Variants in RYR3 observed in about 807,000 individuals in gnomAD.
The protein encoded by RYR3 is brain ryanodine receptor-calcium release channel.
RYR3 carries 207 observed loss-of-function variants against 584.3 expected under a neutral mutation model. The ratio of observed to expected loss-of-function variants is 0.35; its 90% CI spans 0.32 to 0.40. RYR3 has a LOEUF of 0.40. RYR3 is among the 10% of genes least tolerant of loss of function. RYR3 has a pLI of 1.00. For synonymous variants in RYR3, 2,416 were observed against 2,248.5 expected, an observed-to-expected ratio of 1.07 and a Z score of -2.11; for missense variants, 5,616 against 6,089.2, an observed-to-expected ratio of 0.92 and a Z score of 2.59.
At chr15:33,783,411 C>A (rs2074502969) in intron 65 of RYR3, among the ~76,000 whole-genome samples, 1 of 152,182 alleles carries the variant, frequency 6.6e-6, no homozygotes, top group South Asian at 2.1e-4. Context: ...GGAATTCATT[C>A]TGTGGGTTTA....
chr15:33,706,886 T>A, intron 42 of RYR3, 33 bp from the exon 43 acceptor site: 1 of 1,563,866 alleles, frequency 6.4e-7, no homozygotes, highest in Non-Finnish European at 8.7e-7. Context: ...TCCTAATGCG[T>A]GCGAAAGAAC....
Position 33,448,686 on chromosome 15 carries a change from C to G in RYR3, c.52-24733C>G, listed in dbSNP as rs530791095. On this transcript the variant is annotated intron_variant, in intron 1 of 103. Transcript: ENST00000634891. ...AAATCAACTTTAATCTGTATTTTCA[C>G]TATTTCAGTGCAGTTGGGCTCCTGG... Among the ~76,000 whole-genome samples the G allele has an allele frequency of 1.5e-3, 227 of 152,334 alleles. 1 individual carries two copies. The highest frequency in any genetic ancestry group is 5.4e-3 in the African/African-American group (225 of 41,594).
chr15:33,545,679 G>T (rs2056185511), intron 8 of RYR3, among the ~76,000 whole-genome samples: 4 of 152,138 alleles, frequency 2.6e-5, no homozygotes, highest in Admixed American at 2.6e-4. Flanking sequence ...GATAAGCCTT[G>T]TCTTTGTCTT....
At chr15:33,643,181 T>A (rs1258974792) in intron 27 of RYR3, among the ~76,000 whole-genome samples, 6 of 152,164 alleles carry the variant, frequency 3.9e-5, no homozygotes, top group Non-Finnish European at 5.9e-5. Context: ...TCCTAGGGAG[T>A]GACACCACTT....
intron 1 of RYR3, among the ~76,000 whole-genome samples, chr15:33,465,091 A>G (rs1225246688): frequency 6.6e-6 from 1 of 152,176 alleles, no homozygotes; most frequent in Non-Finnish European, 1.5e-5. Context: ...TTAAGGCTGA[A>G]TAATATTTCA....
At chr15:33,804,921 T>C (rs954520103) in intron 69 of RYR3, among the ~76,000 whole-genome samples, 1 of 152,224 alleles carries the variant, frequency 6.6e-6, no homozygotes, top group Non-Finnish European at 1.5e-5. Flanking sequence ...ACACCACATA[T>C]GCCGTTGCGA....
intron 1 of RYR3, among the ~76,000 whole-genome samples, chr15:33,464,005 GA>G (rs2048247027): frequency 6.6e-6 from 1 of 152,116 alleles, no homozygotes; most frequent in South Asian, 2.1e-4. Flanking sequence ...GAACTAAAAT[GA>G]CTAATCTTTC....
chr15:33,352,855 G>T (rs553400073), intron 1 of RYR3, among the ~76,000 whole-genome samples: 4 of 152,318 alleles, frequency 2.6e-5, no homozygotes, highest in African/African-American at 9.6e-5. Context: ...TTTCTAGGAA[G>T]TAGGTTCAAG....
intron 21 of RYR3, 96 bp from the exon 22 acceptor site, chr15:33,629,844 C>T: frequency 4.7e-6 from 3 of 644,162 alleles, no homozygotes; most frequent in Middle Eastern, 2.5e-4. Flanking sequence ...ATATGGATTG[C>T]CTGGGCCATG....
At chr15:33,541,373 A>G (rs2055801892) in intron 7 of RYR3, among the ~76,000 whole-genome samples, 2 of 152,164 alleles carry the variant, frequency 1.3e-5, no homozygotes, top group Admixed American at 6.6e-5. Context: ...ATGGAAGGCC[A>G]TTTTAACATA....
At chr15:33,506,110 T>C (rs2052463878) in intron 3 of RYR3, among the ~76,000 whole-genome samples, 2 of 152,222 alleles carry the variant, frequency 1.3e-5, no homozygotes, top group South Asian at 4.1e-4. Flanking sequence ...GGTTTTTCCT[T>C]GTTGCAAAGA....
intron 1 of RYR3, among the ~76,000 whole-genome samples, chr15:33,415,560 G>A (rs1412939025): frequency 6.6e-6 from 1 of 152,004 alleles, no homozygotes; most frequent in African/African-American, 2.4e-5. Context: ...AAGTGTACCA[G>A]TGCTATAGGA....
intron 2 of RYR3, among the ~76,000 whole-genome samples, chr15:33,498,617 T>C (rs1340232634): frequency 6.6e-6 from 1 of 152,296 alleles, no homozygotes; most frequent in South Asian, 2.1e-4. Flanking sequence ...TTGCAAATAT[T>C]TTCTCCCATC....
chr15:33,777,989 G>A (rs938424174), intron 64 of RYR3, among the ~76,000 whole-genome samples: 26 of 151,984 alleles, frequency 1.7e-4, no homozygotes, highest in African/African-American at 6.3e-4. Flanking sequence ...GGCCAACATG[G>A]TGACGCTTCG....
intron 1 of RYR3, among the ~76,000 whole-genome samples, chr15:33,334,244 A>G (rs2140713381): frequency 6.6e-6 from 1 of 152,366 alleles, no homozygotes; most frequent in African/African-American, 2.4e-5. Flanking sequence ...AGCAAAAGGA[A>G]CAAAGCTGAA....
At chr15:33,563,649 T>C (rs1361491346) in intron 11 of RYR3, among the ~76,000 whole-genome samples, 1 of 152,200 alleles carries the variant, frequency 6.6e-6, no homozygotes, top group Non-Finnish European at 1.5e-5. Flanking sequence ...GAAATACCCT[T>C]ATAAAATATG....
intron 3 of RYR3, among the ~76,000 whole-genome samples, chr15:33,512,025 G>T (rs1355930421): frequency 1.3e-5 from 2 of 152,112 alleles, no homozygotes; most frequent in African/African-American, 4.8e-5. Context: ...TGATCCGCCC[G>T]CCTCGGCCTT....
intron 97 of RYR3, 108 bp downstream of exon 97, chr15:33,854,557 G>C: frequency 9.2e-7 from 1 of 1,089,428 alleles, no homozygotes. Context: ...GCTTATCAAA[G>C]ACCAAGAGCC....
intron 1 of RYR3, among the ~76,000 whole-genome samples, chr15:33,330,650 T>C (rs1278285544): frequency 6.6e-6 from 1 of 152,184 alleles, no homozygotes; most frequent in Non-Finnish European, 1.5e-5. Context: ...TCCCAGATAG[T>C]TGTATTTTAA....
Sources: allele counts gnomAD v4.1 joint callset (sites outside exome capture counted in the v4.1 genomes callset), GRCh38; gene constraint gnomAD v4.1.1; transcripts MANE v1.5; gene names NCBI Gene and HGNC (gene_info 2026-07-23, HGNC 2026-07-21).